Variants in RFK observed in about 807,000 individuals in gnomAD.
The protein encoded by RFK is 0610038L10Rik.
A neutral mutation model predicts 17.6 loss-of-function variants in RFK; 4 were observed. The ratio of observed to expected loss-of-function variants is 0.23; its 90% CI spans 0.11 to 0.52. The LOEUF is 0.52. RFK is among the 20% of genes least tolerant of loss of function. The pLI is 0.96. For synonymous variants in RFK, 59 were observed against 63.8 expected (o/e 0.92, Z 0.36); for missense variants, 189 against 187.7 (o/e 1.01, Z -0.04).
intron 2 of RFK, among the ~76,000 whole-genome samples, chr9:76,390,184 T>A (rs887657337): frequency 7.2e-5 from 11 of 152,252 alleles, no homozygotes; most frequent in African/African-American, 2.6e-4. Flanking sequence ...TGGAAAAAAA[T>A]ATTAATTTAA....
chr9:76,392,716 C>CG, intron 1 of RFK, 147 bp from the exon 2 acceptor site: 5 of 711,796 alleles, frequency 7.0e-6, no homozygotes, highest in Non-Finnish European at 1.2e-5. Context: ...GAGACCGGCC[C>CG]GGGTAACATA....
At position 76,388,764 on chromosome 9, in the gene RFK, T is replaced by C. The variant is rs147523471; in HGVS notation, c.235-108A>G. The C allele has an allele frequency of 1.7e-5, 11 of 629,650 alleles. No individual in the cohort carries two copies. The African/African-American group carries it at 1.9e-4, about 11-fold the overall frequency. The allele number at this position is 629,650 out of a possible 1,614,324, so 39.0% of individuals were successfully genotyped here. A position where few individuals can be genotyped will look rare whatever the true frequency, so the allele number is the denominator to read the frequency against. On this transcript the variant is annotated intron_variant, in intron 2 of 3. Coordinates refer to ENST00000376736, the MANE Select transcript of RFK (RefSeq NM_018339.6). ...TTAATTTAAATGAAACAATCAACACTCCTTAAACTTTTAAAGATTCAGGTT... is the reference window on the plus strand; with the variant it reads ...TTAATTTAAATGAAACAATCAACACCCCTTAAACTTTTAAAGATTCAGGTT...
chr9:76,390,273 C>G (rs1822801819), intron 2 of RFK, among the ~76,000 whole-genome samples: 1 of 152,138 alleles, frequency 6.6e-6, no homozygotes, highest in Admixed American at 6.5e-5. Flanking sequence ...AAACCACAGA[C>G]AAGTATCTTC....
chr9:76,388,840 C>T (rs1451283222), intron 2 of RFK, among the ~76,000 whole-genome samples, 184 bp from the exon 3 acceptor site: 3 of 152,148 alleles, frequency 2.0e-5, no homozygotes, highest in Non-Finnish European at 4.4e-5. Context: ...CTGTTTGGAT[C>T]TTATAAACCT....
Position 76,387,490 on chromosome 9 carries a change from G to C in RFK, c.377C>G (p.Ala126Gly). 1 of 1,611,432 alleles carries C rather than the reference G, an allele frequency of 6.2e-7. No individual in the cohort carries two copies. Among genetic ancestry groups the C allele is most frequent in the Non-Finnish European group, 8.5e-7 (1 of 1,179,204 alleles). ...TTCTGGTAACTCTAGTCGTTTCTTA[G>C]CTTCTTCAATATCACCTTGAATTGC... ...ISAIQGDIEEAKKRLELPEHL... is the reference protein window; with the variant it reads ...ISAIQGDIEEGKKRLELPEHL... The change falls in exon 4 of 4, where the codon GCT becomes GGT. Residue 126 changes from alanine (A) to glycine (G), a missense_variant. Transcript: ENST00000376736.
Position 76,387,469 on chromosome 9 carries a change from G to T in RFK, c.398C>A (p.Pro133Gln), listed in dbSNP as rs376265828. 6.2e-7 allele frequency: 1 copy of T among 1,611,698 alleles called. No homozygotes were observed. The highest frequency in any genetic ancestry group is 1.1e-5 in the South Asian group (1 of 91,048). Residue 133 changes from proline to glutamine, a missense_variant, in exon 4 of 4, where the codon CCA (proline) becomes CAA (glutamine). Transcript: ENST00000376736. ...IEEAKKRLELPEHLKIKEDNF... is the reference protein window; with the variant it reads ...IEEAKKRLELQEHLKIKEDNF... ...GTCTTCTTTGATTTTCAAATGTTCT[G>T]GTAACTCTAGTCGTTTCTTAGCTTC...
At chr9:76,391,013 T>C (rs1822813171) in intron 2 of RFK, among the ~76,000 whole-genome samples, 1 of 152,164 alleles carries the variant, frequency 6.6e-6, no homozygotes, top group Non-Finnish European at 1.5e-5. Context: ...AACATTTTTG[T>C]TATCTAAGTA....
Position 76,388,667 on chromosome 9 carries a change from G to A in RFK, c.235-11C>T, listed in dbSNP as rs371551126. The A allele has an allele frequency of 1.5e-4, 227 of 1,518,078 alleles. 1 individual carries two copies. The highest frequency in any genetic ancestry group is 5.1e-4 in the Middle Eastern group (3 of 5,914). The allele number at this position is 1,518,078 out of a possible 1,614,324, so 94.0% of individuals were successfully genotyped here. ...CATGATATGTGTTTCCTATAGTCAA[G>A]AAATGTTACAAAGAGTGCTATCAGA... On this transcript the variant is annotated splice_polypyrimidine_tract_variant and intron_variant, in intron 2 of 3. Coordinates refer to ENST00000376736, the MANE Select transcript of RFK (RefSeq NM_018339.6).
intron 2 of RFK, among the ~76,000 whole-genome samples, chr9:76,390,062 T>C (rs957751139): frequency 1.3e-5 from 2 of 152,306 alleles, no homozygotes; most frequent in Middle Eastern, 3.4e-3. Context: ...ATGTGAATTT[T>C]TGGACTCACA....
Position 76,385,668 on chromosome 9 carries a change from T to A in RFK, c.*1731A>T, listed in dbSNP as rs1025069771. On this transcript the variant is annotated 3_prime_UTR_variant, in exon 4 of 4. Transcript: ENST00000376736. The stretch of plus-strand genomic sequence containing the variant: ...AACCCCTAAACAACACACTATCTGA[T>A]TCTCAAAAGCAATGGCTATTTAACA... 3 of 152,186 alleles carry A rather than the reference T, an allele frequency of 2.0e-5. No homozygotes were observed. The highest frequency in any genetic ancestry group is 7.2e-5 in the African/African-American group (3 of 41,458). 9.4% of individuals were successfully genotyped at this position (152,186 alleles called of 1,614,324 possible).
Position 76,393,758 on chromosome 9 carries a change from T to C in RFK, c.82+332A>G, listed in dbSNP as rs7045064. On this transcript the variant is annotated intron_variant, in intron 1 of 3. Coordinates refer to ENST00000376736, the MANE Select transcript of RFK (RefSeq NM_018339.6). ...TTCAGCCGTTCTGGCCCACGTTACG[T>C]CTCTAATGGGCAAGACAAGCGCAAT... The C allele has an allele frequency of 8.1e-3, 2,988 of 370,104 alleles. 71 individuals carry two copies. The highest frequency in any genetic ancestry group is 0.056 in the African/African-American group (2,640 of 47,524). 22.9% of individuals were successfully genotyped at this position (370,104 alleles called of 1,614,324 possible). A position where few individuals can be genotyped will look rare whatever the true frequency, so the allele number is the denominator to read the frequency against.
chr9:76,393,197 AAAGT>A (rs1159762870), intron 1 of RFK, among the ~76,000 whole-genome samples: 1 of 145,482 alleles, frequency 6.9e-6, no homozygotes, highest in Non-Finnish European at 1.5e-5. Context: ...AATCACCTGA[AAAGT>A]TTCTTTCTTT....
chr9:76,387,819 G>C, intron 3 of RFK: 1 of 261,090 alleles, frequency 3.8e-6, no homozygotes, highest in Non-Finnish European at 7.5e-6. Flanking sequence ...GGCCAGCATG[G>C]TGAAACCTGA....
rs1440610059 is a variant in RFK, at chr9:76,388,548, A to C, written c.337+6T>G. ...AGTATTTAAGAAGATCAAAATAAGA[A>C]CTTACCTAAAGAATCAAAGTTCTTT... is the stretch of plus-strand genomic sequence containing the variant. On this transcript the variant is annotated splice_donor_region_variant and intron_variant, in intron 3 of 3. Transcript: ENST00000376736. 3 of 1,558,208 alleles carry C rather than the reference A, an allele frequency of 1.9e-6. No homozygotes were observed. The highest frequency in any genetic ancestry group is 2.2e-5 in the East Asian group (1 of 44,662).
intron 2 of RFK, 69 bp downstream of exon 2, chr9:76,392,349 C>G (rs12349438): frequency 2.0e-5 from 30 of 1,502,640 alleles, no homozygotes; most frequent in Non-Finnish European, 2.7e-5. Flanking sequence ...ATTTCTGTAA[C>G]GAATACTGTA....
At chr9:76,393,762 T>C (rs763189140) in intron 1 of RFK, 25 of 384,138 alleles carry the variant, frequency 6.5e-5, no homozygotes, top group Non-Finnish European at 9.4e-5. Context: ...GTTACGTCTC[T>C]AATGGGCAAG....
chr9:76,390,800 T>G (rs553035703), intron 2 of RFK, among the ~76,000 whole-genome samples: 1 of 149,090 alleles, frequency 6.7e-6, no homozygotes, highest in East Asian at 1.9e-4. Flanking sequence ...TGGATCTAGA[T>G]GTGTTACTAA....
At position 76,385,621 on chromosome 9, in the gene RFK, T is replaced by C. The variant is rs1822719419; in HGVS notation, c.*1778A>G. The C allele has an allele frequency of 6.6e-6, 1 of 152,216 alleles. No individual in the cohort carries two copies. The highest frequency in any genetic ancestry group is 2.4e-5 in the African/African-American group (1 of 41,456). The allele number at this position is 152,216 out of a possible 1,614,324, so 9.4% of individuals were successfully genotyped here. On this transcript the variant is annotated 3_prime_UTR_variant, in exon 4 of 4. Transcript: ENST00000376736. ...TCTTATAATACATAATATAAAAGTT[T>C]TTGAAAGATATAGACACAATTAACC...
At chr9:76,393,548 TAAC>T (rs1385951921) in intron 1 of RFK, among the ~76,000 whole-genome samples, 1 of 152,158 alleles carries the variant, frequency 6.6e-6, no homozygotes, top group Non-Finnish European at 1.5e-5. Context: ...AAGGCTGACT[TAAC>T]AAGTCAAGAC....
Sources: gnomAD v4.1 joint callset for allele counts (sites outside exome capture counted in the v4.1 genomes callset) on GRCh38, gnomAD v4.1.1 for gene constraint, MANE v1.5 for transcripts, NCBI Gene and HGNC (gene_info 2026-07-23, HGNC 2026-07-21) for gene names.